The following FOXN3 variants were observed in gnomAD, a reference collection of about 807,000 sequenced individuals.
The protein encoded by FOXN3 is forkhead box protein N3.
In FOXN3, 7 loss-of-function variants were observed where a neutral mutation model predicts 38.4. That is an observed-to-expected ratio of 0.18 (90% CI 0.10 to 0.34). The LOEUF (loss-of-function observed/expected upper bound fraction) is 0.34. Ranked by LOEUF, FOXN3 falls within the 10% of genes least tolerant of loss-of-function variation. The pLI is 1.00. For missense variants in FOXN3, 456 were observed against 613.4 expected (o/e 0.74, Z 2.71); for synonymous variants, 230 against 242.2 (o/e 0.95, Z 0.47).
At chr14:89,175,689 C>G (rs1305523284) in intron 5 of FOXN3, among the ~76,000 whole-genome samples, 1 of 152,170 alleles carries the variant, frequency 6.6e-6, no homozygotes, top group Non-Finnish European at 1.5e-5. Flanking sequence ...CCTGAGTTCA[C>G]GTACGTATTT....
At chr14:89,410,137 G>A (rs1483721387) in intron 2 of FOXN3, among the ~76,000 whole-genome samples, 1 of 143,436 alleles carries the variant, frequency 7.0e-6, no homozygotes, top group East Asian at 2.2e-4. Context: ...ACCGAGTGAA[G>A]AGCATTTGCA....
intron 1 of FOXN3, among the ~76,000 whole-genome samples, chr14:89,617,640 A>T (rs1420296790): frequency 6.6e-6 from 1 of 152,224 alleles, no homozygotes; most frequent in Admixed American, 6.5e-5. Flanking sequence ...AGCAGAAATC[A>T]TTGAGAATGT....
intron 4 of FOXN3, among the ~76,000 whole-genome samples, chr14:89,249,462 C>T (rs1451631406): frequency 2.0e-5 from 3 of 152,170 alleles, no homozygotes; most frequent in African/African-American, 4.8e-5. Flanking sequence ...AAGTCAGCAA[C>T]GCAGACACCG....
At chr14:89,166,575 C>T (rs1887248399) in intron 5 of FOXN3, among the ~76,000 whole-genome samples, 1 of 152,214 alleles carries the variant, frequency 6.6e-6, no homozygotes, top group African/African-American at 2.4e-5. Context: ...ATCTCCCTGT[C>T]ACTCCTGAAG....
chr14:89,606,757 G>A (rs997978784), intron 1 of FOXN3, among the ~76,000 whole-genome samples: 3 of 152,190 alleles, frequency 2.0e-5, no homozygotes, highest in Non-Finnish European at 4.4e-5. Flanking sequence ...GGCTGAGGCA[G>A]GGGAAGCTTG....
chr14:89,596,054 C>A (rs1896050135), intron 1 of FOXN3, among the ~76,000 whole-genome samples: 1 of 152,080 alleles, frequency 6.6e-6, no homozygotes, highest in African/African-American at 2.4e-5. Flanking sequence ...AGATAACCAA[C>A]TTGATCATGA....
intron 5 of FOXN3, among the ~76,000 whole-genome samples, chr14:89,178,313 C>A (rs978948598): frequency 2.6e-5 from 4 of 152,074 alleles, no homozygotes; most frequent in Non-Finnish European, 4.4e-5. Flanking sequence ...CCGGCCTCGG[C>A]GAATTTTTAA....
chr14:89,192,649 A>AATAT (rs1266397395), intron 4 of FOXN3, among the ~76,000 whole-genome samples: 2 of 141,456 alleles, frequency 1.4e-5, no homozygotes, highest in East Asian at 3.9e-4. Flanking sequence ...AATCTTATAT[A>AATAT]GTTTATATAT....
In FOXN3 at chr14:89,336,137, TACACACAC is replaced by T. The variant is rs34950734; in HGVS notation, c.680+14527_680+14534del. Among the ~76,000 whole-genome samples, 179 of 140,130 alleles carry T rather than the reference TACACACAC, an allele frequency of 1.3e-3. 1 individual carries two copies. Among genetic ancestry groups the T allele is most frequent in the Non-Finnish European group, 1.6e-3 (102 of 64,528 alleles). 91.9% of individuals were successfully genotyped at this position (140,130 alleles called of 152,430 possible). A position where few individuals can be genotyped will look rare whatever the true frequency, so the allele number is the denominator to read the frequency against. ...TTTTGTCTAAAACAGAAGTGATCCT[TACACACAC>T]ACACACACACACACACACACACACA... On this transcript the variant is annotated intron_variant, in intron 3 of 5. Coordinates refer to ENST00000557258, the MANE Select transcript of FOXN3 (RefSeq NM_005197.4).
chr14:89,304,450 G>A (rs996070194), intron 3 of FOXN3, among the ~76,000 whole-genome samples: 2 of 152,214 alleles, frequency 1.3e-5, no homozygotes, highest in African/African-American at 4.8e-5. Flanking sequence ...GGAGGTGGGG[G>A]CAGGAGAGGC....
chr14:89,389,306 C>CA (rs35345814), intron 2 of FOXN3, among the ~76,000 whole-genome samples: 134 of 146,782 alleles, frequency 9.1e-4, no homozygotes, highest in African/African-American at 2.4e-3. Flanking sequence ...GTACTTAAAA[C>CA]AAAAAAAAAA....
chr14:89,314,369 G>T (rs1596176308), intron 3 of FOXN3, among the ~76,000 whole-genome samples: 1 of 152,246 alleles, frequency 6.6e-6, no homozygotes, highest in East Asian at 1.9e-4. Flanking sequence ...AGGAGTGTGG[G>T]TCTTTGGCAG....
chr14:89,250,212 C>T (rs982008323), intron 4 of FOXN3, among the ~76,000 whole-genome samples: 7 of 152,248 alleles, frequency 4.6e-5, no homozygotes, highest in Admixed American at 1.3e-4. Flanking sequence ...CTGGGCTCAA[C>T]GGATCCTCCT....
chr14:89,551,612 T>C (rs1895007625), intron 1 of FOXN3, among the ~76,000 whole-genome samples: 1 of 152,120 alleles, frequency 6.6e-6, no homozygotes, highest in South Asian at 2.1e-4. Flanking sequence ...CACACAGTCC[T>C]CTAGGGCTTC....
chr14:89,526,007 A>T (rs536146617), intron 1 of FOXN3, among the ~76,000 whole-genome samples: 1 of 148,764 alleles, frequency 6.7e-6, no homozygotes, highest in African/African-American at 2.5e-5. Flanking sequence ...TAGAACTAAA[A>T]AGAAAAAAAA....
rs370540458 is a variant in FOXN3, at chr14:89,457,250, A to G, written c.-14-44760T>C. The stretch of plus-strand genomic sequence containing the variant: ...CTAGAGACCTTCACGGAGTGCCTGT[A>G]AAGGTGTGTGAGGCAGAAAGACGCG... On this transcript the variant is annotated intron_variant, in intron 1 of 6. Coordinates refer to the FOXN3 transcript ENST00000345097. Among the ~76,000 whole-genome samples, 7 of 152,290 alleles carry G rather than the reference A, an allele frequency of 4.6e-5. No homozygotes were observed. The East Asian group carries it at 1.4e-3, about 29-fold the overall frequency.
chr14:89,294,946 T>TCCAAGAG (rs1339879334), intron 3 of FOXN3, among the ~76,000 whole-genome samples: 1 of 152,176 alleles, frequency 6.6e-6, no homozygotes, highest in Non-Finnish European at 1.5e-5. Flanking sequence ...TTGTTTGAGA[T>TCCAAGAG]CCAAGAGCCT....
At chr14:89,615,146 G>C (rs1896471473) in intron 1 of FOXN3, among the ~76,000 whole-genome samples, 1 of 84,932 alleles carries the variant, frequency 1.2e-5, no homozygotes, top group Non-Finnish European at 2.2e-5. Context: ...TTTGCTATCA[G>C]CAAGGTTGGC....
rs544437534 is a variant in FOXN3 at position 89,331,605 on chromosome 14, G to T, written c.680+19067C>A. Among the ~76,000 whole-genome samples the T allele has an allele frequency of 7.9e-5, 12 of 152,292 alleles. No individual in the cohort carries two copies. In the East Asian group the frequency reaches 2.1e-3, roughly 27 times the overall value. ...CCCGTGTGATCTTAGGACCACATGG[G>T]TCTCCTCTGTGTTTTCAGTTGTAAA... On this transcript the variant is annotated intron_variant, in intron 3 of 5. Coordinates refer to ENST00000557258, the MANE Select transcript of FOXN3 (RefSeq NM_005197.4).
Sources: allele counts gnomAD v4.1 joint callset (sites outside exome capture counted in the v4.1 genomes callset), GRCh38; gene constraint gnomAD v4.1.1; transcripts MANE v1.5; gene names NCBI Gene and HGNC (gene_info 2026-07-23, HGNC 2026-07-21).